Variants in TP63 observed in about 807,000 individuals in gnomAD.
TP63 encodes the protein tumor protein p63, also known as tumor protein 63.
Under a neutral mutation model 82.8 loss-of-function variants are expected in TP63, and 17 were observed. That is an observed-to-expected ratio of 0.21 (90% confidence interval 0.14 to 0.31). The LOEUF is 0.31. Among genes scored for constraint, TP63 ranks in the 10% least tolerant of loss-of-function variants. The probability of loss-of-function intolerance (pLI) is 1.00; values close to 1 mark genes in which losing one functional copy is unlikely to be tolerated. For missense variants in TP63, 648 were observed against 895.3 expected (o/e 0.72, Z 3.52); for synonymous variants, 330 against 321.7 (o/e 1.03, Z -0.28).
At chr3:189,763,803 T>C (rs1352164524) in intron 3 of TP63, among the ~76,000 whole-genome samples, 1 of 152,210 alleles carries the variant, frequency 6.6e-6, no homozygotes, top group Non-Finnish European at 1.5e-5. Context: ...TTTAAAAGTG[T>C]ACTAGACGTG....
intron 3 of TP63, among the ~76,000 whole-genome samples, chr3:189,782,251 G>A (rs1300193963): frequency 6.6e-6 from 1 of 152,180 alleles, no homozygotes; most frequent in Admixed American, 6.6e-5. Flanking sequence ...GAACTTGAGT[G>A]AATACTTATT....
chr3:189,891,058 C>A (rs959924464), intron 13 of TP63, among the ~76,000 whole-genome samples, 176 bp downstream of exon 13: 1 of 152,200 alleles, frequency 6.6e-6, no homozygotes, highest in African/African-American at 2.4e-5. Flanking sequence ...TCAACCTATA[C>A]ATATTAGAAG....
intron 1 of TP63, among the ~76,000 whole-genome samples, chr3:189,671,824 TG>T (rs1714916563): frequency 1.3e-5 from 2 of 152,184 alleles, no homozygotes; most frequent in South Asian, 4.1e-4. Context: ...CACTCATATG[TG>T]GGGGCTAAAA....
intron 4 of TP63, among the ~76,000 whole-genome samples, chr3:189,858,461 T>C (rs548404998): frequency 6.7e-6 from 1 of 150,346 alleles, no homozygotes; most frequent in South Asian, 2.1e-4. Flanking sequence ...AGTAGAATAC[T>C]ATTCAGTCAG....
chr3:189,844,947 A>G (rs913187150), intron 4 of TP63, among the ~76,000 whole-genome samples: 17 of 152,006 alleles, frequency 1.1e-4, no homozygotes, highest in Non-Finnish European at 2.2e-4. Flanking sequence ...GCAACCCTCC[A>G]TCTGTTTTGT....
At chr3:189,687,061 G>A (rs902013935) in intron 1 of TP63, among the ~76,000 whole-genome samples, 4 of 151,968 alleles carry the variant, frequency 2.6e-5, no homozygotes, top group African/African-American at 9.7e-5. Flanking sequence ...AGGAAGAGGA[G>A]GTCCTTGGTG....
In TP63 at chr3:189,748,332, A is replaced by G. The variant is rs146247250; in HGVS notation, c.324+9558A>G. On this transcript the variant is annotated intron_variant, in intron 3 of 13. Coordinates refer to ENST00000264731, the MANE Select transcript of TP63 (RefSeq NM_003722.5). ...CTCTTAGATCTGATAAATGAATTCAATATAGTTGCAGGATACAAAAATCAA... is the reference window on the plus strand; with the variant it reads ...CTCTTAGATCTGATAAATGAATTCAGTATAGTTGCAGGATACAAAAATCAA... Among the ~76,000 whole-genome samples the G allele has an allele frequency of 3.5e-3, 525 of 152,118 alleles. 2 individuals carry two copies. The highest frequency in any genetic ancestry group is 8.4e-3 in the Admixed American group (129 of 15,276).
At chr3:189,763,549 A>T (rs1722734921) in intron 3 of TP63, among the ~76,000 whole-genome samples, 1 of 152,234 alleles carries the variant, frequency 6.6e-6, no homozygotes, top group Non-Finnish European at 1.5e-5. Context: ...GAGATTGCTA[A>T]GTGCCAGAGG....
intron 1 of TP63, among the ~76,000 whole-genome samples, chr3:189,736,105 CATTT>C (rs1720571621): frequency 6.7e-6 from 1 of 148,280 alleles, no homozygotes; most frequent in Admixed American, 6.8e-5. Flanking sequence ...ATATACATAT[CATTT>C]ATGAATATTT....
intron 9 of TP63, 40 bp downstream of exon 9, chr3:189,869,446 CCTT>C: frequency 1.3e-6 from 2 of 1,557,188 alleles, no homozygotes; most frequent in South Asian, 1.1e-5. Flanking sequence ...TTCATTTTAA[CCTT>C]CTTTGAATGG....
At chr3:189,780,026 G>A (rs905034004) in intron 3 of TP63, among the ~76,000 whole-genome samples, 8 of 152,090 alleles carry the variant, frequency 5.3e-5, no homozygotes, top group Non-Finnish European at 8.8e-5. Context: ...AAATGTTAAC[G>A]GAGAGAGCAA....
At chr3:189,689,363 A>G (rs1577244812) in intron 1 of TP63, among the ~76,000 whole-genome samples, 2 of 151,790 alleles carry the variant, frequency 1.3e-5, no homozygotes, top group South Asian at 2.1e-4. Context: ...TGATCTGCCT[A>G]CCTTGGCCTC....
the TP63 span, among the ~76,000 whole-genome samples, chr3:189,598,487 T>A: frequency 6.6e-6 from 1 of 152,294 alleles, no homozygotes; most frequent in Non-Finnish European, 1.5e-5. Flanking sequence ...ATAAGCTCCC[T>A]GAACTTCAAG....
upstream of TP63, among the ~76,000 whole-genome samples, chr3:189,627,417 C>CA (rs557321156): frequency 5.7e-4 from 87 of 151,724 alleles, no homozygotes; most frequent in African/African-American, 1.9e-3. Context: ...CATCAATGAG[C>CA]AAAAAAAATC....
chr3:189,603,909 A>G, the TP63 span, among the ~76,000 whole-genome samples: 84 of 152,246 alleles, frequency 5.5e-4, no homozygotes, highest in African/African-American at 1.9e-3. Context: ...GTAAATCGAA[A>G]AAATTTTCTT....
intron 1 of TP63, among the ~76,000 whole-genome samples, chr3:189,716,587 C>T (rs1560130766): frequency 6.6e-6 from 1 of 152,156 alleles, no homozygotes; most frequent in Non-Finnish European, 1.5e-5. Context: ...TGCAAGAAAT[C>T]CATAGTTCTT....
chr3:189,889,180 T>C (rs2108860931), intron 11 of TP63, among the ~76,000 whole-genome samples, 160 bp from the exon 12 acceptor site: 1 of 152,332 alleles, frequency 6.6e-6, no homozygotes, highest in African/African-American at 2.4e-5. Flanking sequence ...TCTGTTTGAC[T>C]AGATGTAGGC....
chr3:189,840,929 C>T (rs1481332119), intron 4 of TP63, among the ~76,000 whole-genome samples: 3 of 150,522 alleles, frequency 2.0e-5, no homozygotes, highest in Non-Finnish European at 4.4e-5. Flanking sequence ...AGCTAGAGAG[C>T]GCTTTGGAAT....
rs1303908358 is a variant in TP63, at chr3:189,895,726, A to T, written c.*1224A>T. ...TGTTTGGTAAATGTTTCTTTTAAAG[A>T]CCCTCCTATTCTATAAAACTCTGCA... On this transcript the variant is annotated 3_prime_UTR_variant, in exon 14 of 14. Transcript: ENST00000264731. 4.4e-6 allele frequency: 1 copy of T among 229,016 alleles called. No homozygotes were observed. Among genetic ancestry groups the T allele is most frequent in the Non-Finnish European group, 8.6e-6 (1 of 115,612 alleles). 14.2% of individuals were successfully genotyped at this position (229,016 alleles called of 1,614,324 possible). A position where few individuals can be genotyped will look rare whatever the true frequency, so the allele number is the denominator to read the frequency against.
Sources: gnomAD v4.1 joint callset for allele counts (sites outside exome capture counted in the v4.1 genomes callset) on GRCh38, gnomAD v4.1.1 for gene constraint, MANE v1.5 for transcripts, NCBI Gene and HGNC (gene_info 2026-07-23, HGNC 2026-07-21) for gene names.